EHBP1: variants seen among roughly 807,000 people sequenced by gnomAD.
EHBP1 encodes EH domain-binding protein 1.
A neutral mutation model predicts 144.0 loss-of-function variants in EHBP1; 55 were observed. The observed-to-expected ratio is 0.38, with a 90% CI of 0.31 to 0.48. The LOEUF is 0.48. Ranked by LOEUF, EHBP1 falls within the 20% of genes least tolerant of loss-of-function variation. The pLI is 0.98. For synonymous variants in EHBP1, 469 were observed against 472.7 expected, an observed-to-expected ratio of 0.99 and a Z score of 0.10; for missense variants, 1,200 against 1,364.2, an observed-to-expected ratio of 0.88 and a Z score of 1.90.
At chr2:63,005,132 A>G (rs1396615957) in intron 19 of EHBP1, among the ~76,000 whole-genome samples, 2 of 152,084 alleles carry the variant, frequency 1.3e-5, no homozygotes, top group Admixed American at 6.6e-5. Context: ...AGAGTTATCT[A>G]TTTAATCTCT....
chr2:63,017,005 C>T (rs923386239), intron 19 of EHBP1, among the ~76,000 whole-genome samples: 3 of 152,194 alleles, frequency 2.0e-5, no homozygotes, highest in African/African-American at 4.8e-5. Context: ...AAAACATGGA[C>T]TTATCCCTTG....
chr2:62,681,294 A>C, intron 1 of EHBP1, among the ~76,000 whole-genome samples: 1 of 137,694 alleles, frequency 7.3e-6, no homozygotes, highest in African/African-American at 2.7e-5. Context: ...TGATGGAGCA[A>C]AGCTCCATCT....
intron 3 of EHBP1, among the ~76,000 whole-genome samples, chr2:62,764,029 A>G (rs1165892189): frequency 6.6e-6 from 1 of 152,116 alleles, no homozygotes; most frequent in Non-Finnish European, 1.5e-5. Context: ...TTGTTTACAG[A>G]TAGTAATCTG....
chr2:63,037,123 C>A (rs1459542946), intron 19 of EHBP1, among the ~76,000 whole-genome samples: 3 of 151,894 alleles, frequency 2.0e-5, no homozygotes, highest in Non-Finnish European at 4.4e-5. Context: ...AACTTTCACA[C>A]AATCTCTGGA....
intron 19 of EHBP1, among the ~76,000 whole-genome samples, chr2:63,014,899 G>T (rs1574477535): frequency 6.6e-6 from 1 of 152,184 alleles, no homozygotes; most frequent in Admixed American, 6.5e-5. Context: ...AATCGCTTGA[G>T]CCCGGGAGGT....
At chr2:62,783,038 G>T (rs2042552647) in intron 5 of EHBP1, among the ~76,000 whole-genome samples, 1 of 152,160 alleles carries the variant, frequency 6.6e-6, no homozygotes, top group Non-Finnish European at 1.5e-5. Context: ...CATTCCTAAT[G>T]GGAGAAATTG....
intron 1 of EHBP1, among the ~76,000 whole-genome samples, chr2:62,692,263 G>T (rs1001278548): frequency 6.6e-6 from 1 of 152,064 alleles, no homozygotes; most frequent in Non-Finnish European, 1.5e-5. Flanking sequence ...GCCACATTTT[G>T]TTTATCCATT....
intron 1 of EHBP1, among the ~76,000 whole-genome samples, chr2:62,677,153 G>A (rs755165759): frequency 3.3e-5 from 5 of 152,156 alleles, no homozygotes; most frequent in Non-Finnish European, 5.9e-5. Flanking sequence ...CTGTGATTGT[G>A]CCACTGCACT....
At chr2:62,821,918 A>G (rs1050541036) in intron 5 of EHBP1, among the ~76,000 whole-genome samples, 3 of 152,162 alleles carry the variant, frequency 2.0e-5, no homozygotes, top group Non-Finnish European at 4.4e-5. Flanking sequence ...GCAATGCATA[A>G]TAATCACATC....
intron 3 of EHBP1, among the ~76,000 whole-genome samples, chr2:62,764,031 A>G (rs1312199533): frequency 6.6e-6 from 1 of 152,110 alleles, no homozygotes; most frequent in Non-Finnish European, 1.5e-5. Flanking sequence ...GTTTACAGAT[A>G]GTAATCTGTA....
intron 2 of EHBP1, among the ~76,000 whole-genome samples, chr2:62,734,425 A>AAT (rs1406821550): frequency 7.3e-4 from 109 of 149,996 alleles, no homozygotes; most frequent in African/African-American, 2.1e-3. Context: ...AGATGTTTCA[A>AAT]ATATATATAT....
chr2:63,017,634 T>C (rs781403369), intron 19 of EHBP1, among the ~76,000 whole-genome samples: 5 of 152,154 alleles, frequency 3.3e-5, no homozygotes, highest in Non-Finnish European at 5.9e-5. Flanking sequence ...TACTTAAATT[T>C]CTCAACATCT....
At chr2:62,717,555 G>C (rs1038394454) in intron 2 of EHBP1, among the ~76,000 whole-genome samples, 1 of 152,098 alleles carries the variant, frequency 6.6e-6, no homozygotes, top group Non-Finnish European at 1.5e-5. Flanking sequence ...ATTGTACCTG[G>C]TATTTGTCTT....
intron 1 of EHBP1, among the ~76,000 whole-genome samples, chr2:62,687,962 T>G (rs765095037): frequency 6.6e-6 from 1 of 152,198 alleles, no homozygotes. Flanking sequence ...AACTATCAGA[T>G]GTGCCTACTT....
intron 10 of EHBP1, among the ~76,000 whole-genome samples, chr2:62,924,431 A>AT (rs928357055): frequency 5.9e-5 from 9 of 152,202 alleles, no homozygotes; most frequent in African/African-American, 2.2e-4. Context: ...CAAAAAGTTG[A>AT]TTTTTTGAAA....
At chr2:62,816,855 G>C (rs2045487240) in intron 5 of EHBP1, among the ~76,000 whole-genome samples, 1 of 152,100 alleles carries the variant, frequency 6.6e-6, no homozygotes, top group Non-Finnish European at 1.5e-5. Flanking sequence ...CCAAATGAAG[G>C]AATACCTATT....
intron 5 of EHBP1, among the ~76,000 whole-genome samples, chr2:62,808,738 C>T (rs2044707386): frequency 6.6e-6 from 1 of 152,026 alleles, no homozygotes; most frequent in Admixed American, 6.6e-5. Flanking sequence ...GTAAATAGGC[C>T]TTGAGTAATG....
intron 19 of EHBP1, among the ~76,000 whole-genome samples, chr2:63,025,165 T>C (rs1574519803): frequency 6.8e-6 from 1 of 146,788 alleles, no homozygotes; most frequent in Non-Finnish European, 1.5e-5. Flanking sequence ...TAGTGTAGAT[T>C]AGGTAGATAT....
At chr2:62,759,741 C>G (rs982818187) in intron 3 of EHBP1, among the ~76,000 whole-genome samples, 3 of 152,132 alleles carry the variant, frequency 2.0e-5, no homozygotes, top group Non-Finnish European at 4.4e-5. Context: ...TCTTAAAAAC[C>G]TAAATTAGTG....
Sources: allele counts gnomAD v4.1 joint callset (sites outside exome capture counted in the v4.1 genomes callset), GRCh38; gene constraint gnomAD v4.1.1; transcripts MANE v1.5; gene names NCBI Gene and HGNC (gene_info 2026-07-23, HGNC 2026-07-21).